The following LDB2 variants were observed in gnomAD, a reference collection of about 807,000 sequenced individuals.
The protein encoded by LDB2 is LIM domain-binding protein 2.
LDB2 carries 12 observed loss-of-function variants against 44.3 expected under a neutral mutation model. The observed-to-expected ratio is 0.27, with a 90% CI of 0.17 to 0.44. The LOEUF (loss-of-function observed/expected upper bound fraction) is 0.44, where lower values mean the gene tolerates loss of function less well. LDB2 is among the 20% of genes least tolerant of loss of function. LDB2 has a pLI of 1.00. For synonymous variants in LDB2, 164 were observed against 174.8 expected, an observed-to-expected ratio of 0.94 and a Z score of 0.49; for missense variants, 344 against 473.5, an observed-to-expected ratio of 0.73 and a Z score of 2.54.
At chr4:16,819,546 A>AT (rs369337544) in intron 1 of LDB2, among the ~76,000 whole-genome samples, 1,686 of 146,454 alleles carry the variant, frequency 0.012, 32 homozygotes, top group African/African-American at 0.038. Flanking sequence ...TTCAAGCAGT[A>AT]TTTTTTTTTT....
intron 1 of LDB2, among the ~76,000 whole-genome samples, chr4:16,867,144 A>G (rs1714997762): frequency 6.6e-6 from 1 of 152,188 alleles, no homozygotes; most frequent in Admixed American, 6.5e-5. Flanking sequence ...AGCCAACATC[A>G]ACTGCCAGAC....
At chr4:16,692,806 C>T (rs998631430) in intron 2 of LDB2, among the ~76,000 whole-genome samples, 1 of 152,104 alleles carries the variant, frequency 6.6e-6, no homozygotes, top group African/African-American at 2.4e-5. Context: ...ATGGCTTATT[C>T]GCTTTTGTGT....
At chr4:16,846,222 G>A (rs569040552) in intron 1 of LDB2, among the ~76,000 whole-genome samples, 5 of 151,788 alleles carry the variant, frequency 3.3e-5, no homozygotes, top group South Asian at 4.2e-4. Flanking sequence ...TAAGACCTCC[G>A]CCCATTCTTA....
chr4:16,737,622 C>T (rs561803643), intron 2 of LDB2, among the ~76,000 whole-genome samples: 1 of 151,970 alleles, frequency 6.6e-6, no homozygotes, highest in South Asian at 2.1e-4. Context: ...TTAAAAGGGA[C>T]ATAAAAGAAA....
chr4:16,615,323 C>G (rs980439174), intron 2 of LDB2, among the ~76,000 whole-genome samples: 1 of 152,108 alleles, frequency 6.6e-6, no homozygotes, highest in Non-Finnish European at 1.5e-5. Flanking sequence ...TATTGCAGCA[C>G]TATTTACAAT....
At chr4:16,587,350 G>A (rs1332550037) in intron 4 of LDB2, among the ~76,000 whole-genome samples, 1 of 152,174 alleles carries the variant, frequency 6.6e-6, no homozygotes, top group African/African-American at 2.4e-5. Flanking sequence ...TCTTATAGAT[G>A]AGGGACTACA....
Position 16,502,688 on chromosome 4 carries a change from AGT to A in LDB2, c.1075_1076del (p.Thr359SerfsTer17). 1 of 1,613,686 alleles carries A rather than the reference AGT, an allele frequency of 6.2e-7. No individual in the cohort carries two copies. Among genetic ancestry groups the A allele is most frequent in the Non-Finnish European group, 8.5e-7 (1 of 1,179,792 alleles). On this transcript the variant is annotated frameshift_variant, in exon 8 of 8. Transcript: ENST00000304523. LOFTEE classifies it high-confidence loss of function. ...GGGGGTTTTCTGATTTGGTCTCTTG[AGT>A]GGCGGGAGGTTTACTGTTCCACGGG... ...NSPWNSKPPA[T>X]QETKSENPPP...
chr4:16,560,268 A>T (rs76056802), intron 5 of LDB2, among the ~76,000 whole-genome samples: 2,019 of 152,290 alleles, frequency 0.013, 46 homozygotes, highest in African/African-American at 0.046. Context: ...AAAATTAATG[A>T]ATCCCGGGGC....
chr4:16,504,201 A>G (rs1718450317), intron 7 of LDB2, among the ~76,000 whole-genome samples: 1 of 152,216 alleles, frequency 6.6e-6, no homozygotes, highest in Non-Finnish European at 1.5e-5. Context: ...CTTTGCCCAG[A>G]GAAGGCCTTC....
intron 5 of LDB2, among the ~76,000 whole-genome samples, chr4:16,547,805 C>T (rs927775525): frequency 1.1e-4 from 16 of 152,164 alleles, no homozygotes; most frequent in African/African-American, 1.7e-4. Flanking sequence ...CTTGTTACCT[C>T]AGTTTTCTCA....
intron 5 of LDB2, among the ~76,000 whole-genome samples, chr4:16,568,007 C>T (rs979063566): frequency 1.2e-4 from 18 of 151,980 alleles, no homozygotes; most frequent in Admixed American, 1.1e-3. Flanking sequence ...AATCATAGAA[C>T]CAAGTGGTGG....
At chr4:16,586,150 T>G (rs1716713724) in intron 4 of LDB2, 145 bp from the exon 5 acceptor site, 1 of 637,210 alleles carries the variant, frequency 1.6e-6, no homozygotes, top group African/African-American at 1.8e-5. Flanking sequence ...TAATTTAATT[T>G]ACATTTTGAA....
At chr4:16,567,856 C>CT (rs1014707922) in intron 5 of LDB2, among the ~76,000 whole-genome samples, 48 of 152,108 alleles carry the variant, frequency 3.2e-4, no homozygotes, top group African/African-American at 9.6e-4. Context: ...AGTACAAATA[C>CT]TTTTTTTTAA....
intron 1 of LDB2, among the ~76,000 whole-genome samples, chr4:16,871,203 CA>C (rs1716480036): frequency 6.6e-6 from 1 of 152,178 alleles, no homozygotes; most frequent in African/African-American, 2.4e-5. Flanking sequence ...ATGTCTGTTG[CA>C]TGATGGAAAT....
intron 7 of LDB2, among the ~76,000 whole-genome samples, chr4:16,503,421 C>G (rs996908919): frequency 2.0e-5 from 3 of 152,340 alleles, no homozygotes; most frequent in Admixed American, 2.0e-4. Flanking sequence ...TCTCTTTTCT[C>G]TACTCAGCCA....
chr4:16,805,329 C>T (rs960515732), intron 1 of LDB2, among the ~76,000 whole-genome samples: 1 of 152,210 alleles, frequency 6.6e-6, no homozygotes, highest in Non-Finnish European at 1.5e-5. Flanking sequence ...AGTCAACAAA[C>T]TCATTTCTAT....
At chr4:16,711,999 T>G (rs1477923551) in intron 2 of LDB2, among the ~76,000 whole-genome samples, 3 of 152,144 alleles carry the variant, frequency 2.0e-5, no homozygotes, top group Non-Finnish European at 4.4e-5. Flanking sequence ...GGCCTTAGGT[T>G]ATGCAAAGAT....
intron 2 of LDB2, among the ~76,000 whole-genome samples, chr4:16,607,342 T>A (rs1174002715): frequency 6.6e-6 from 1 of 152,208 alleles, no homozygotes; most frequent in Non-Finnish European, 1.5e-5. Context: ...CTCATAGGCA[T>A]CCTCAAGTCT....
intron 4 of LDB2, among the ~76,000 whole-genome samples, chr4:16,587,126 C>T (rs1253019085): frequency 1.3e-5 from 2 of 152,110 alleles, no homozygotes; most frequent in Non-Finnish European, 2.9e-5. Context: ...CAGGGTCAAC[C>T]TCAAGGAACT....
Sources: gnomAD v4.1 joint callset for allele counts (sites outside exome capture counted in the v4.1 genomes callset) on GRCh38, gnomAD v4.1.1 for gene constraint, MANE v1.5 for transcripts, NCBI Gene and HGNC (gene_info 2026-07-23, HGNC 2026-07-21) for gene names.